Variants in TRPM2 observed in about 807,000 individuals in gnomAD.
TRPM2 encodes the protein estrogen-responsive element-associated gene 1 protein.
Under a neutral mutation model 174.0 loss-of-function variants are expected in TRPM2, and 161 were observed. That is an observed-to-expected ratio of 0.93 (90% CI 0.81 to 1.05). TRPM2 has a LOEUF of 1.05. Among genes scored for constraint, TRPM2 ranks in the 50% least tolerant of loss-of-function variants. The pLI is 0.00. For synonymous variants in TRPM2, 954 were observed against 861.3 expected (o/e 1.11, Z -1.88); for missense variants, 2,057 against 2,038.0 (o/e 1.01, Z -0.18).
chr21:44,420,767 A>G (rs1436549482), intron 22 of TRPM2, among the ~76,000 whole-genome samples: 1 of 152,218 alleles, frequency 6.6e-6, no homozygotes, highest in Admixed American at 6.5e-5. Flanking sequence ...GCTGATGACC[A>G]ACATAGTCAG....
chr21:44,352,797 G>A (rs937620151), upstream of TRPM2, among the ~76,000 whole-genome samples: 1 of 152,222 alleles, frequency 6.6e-6, no homozygotes, highest in African/African-American at 2.4e-5. Flanking sequence ...AAGGATATGA[G>A]AGAAAAAGAT....
chr21:44,430,165 C>T (rs528575803), intron 27 of TRPM2, among the ~76,000 whole-genome samples: 3 of 152,216 alleles, frequency 2.0e-5, no homozygotes, highest in Admixed American at 2.0e-4. Flanking sequence ...TAACATTTTA[C>T]TTAAGATTTT....
chr21:44,406,578 ACT>A lies in TRPM2; in HGVS notation c.2791-11_2791-10del. ...GGGGCCAGGAGAGTGTAGCCCACAC[ACT>A]CTCTGTCCTGCAGATGAAGGACGTC... On this transcript the variant is annotated splice_polypyrimidine_tract_variant and intron_variant, in intron 18 of 31. Transcript: ENST00000397928. 1 of 1,602,944 alleles carries A rather than the reference ACT, an allele frequency of 6.2e-7. No individual in the cohort carries two copies.
intron 15 of TRPM2, among the ~76,000 whole-genome samples, chr21:44,401,063 G>A (rs2049601250): frequency 6.6e-6 from 1 of 152,174 alleles, no homozygotes; most frequent in Non-Finnish European, 1.5e-5. Flanking sequence ...TGAGTGTTCA[G>A]GAATCCTGGT....
At chr21:44,431,621 A>T (rs1480983662) in intron 27 of TRPM2, among the ~76,000 whole-genome samples, 1 of 152,134 alleles carries the variant, frequency 6.6e-6, no homozygotes, top group Non-Finnish European at 1.5e-5. Flanking sequence ...AATTACAGGC[A>T]CGCACCACCA....
At position 44,354,770 on chromosome 21, in the gene TRPM2, C is replaced by T; in HGVS notation, c.254+34C>T. 6.3e-7 allele frequency: 1 copy of T among 1,597,076 alleles called. No homozygotes were observed. Among genetic ancestry groups the T allele is most frequent in the Non-Finnish European group, 8.6e-7 (1 of 1,164,486 alleles). On this transcript the variant is annotated intron_variant, in intron 2 of 31. Transcript: ENST00000397928. The surrounding 1 kb of genome is among the most constrained non-coding windows in gnomAD (Gnocchi z 4.3). The stretch of plus-strand genomic sequence containing the variant: ...CGTGATTTGTGTGTAAGACCTCTGA[C>T]TTCTTCCTTCCGATCCCACATGGAG...
rs537311168 is a variant in TRPM2, at chr21:44,399,162, A to G, written c.2063-134A>G. ...TCCCTGGGCCTGGGTGTTTTGAGACACCAGCCCCACATTTGCCCTGTGCCC... is the reference window on the plus strand; with the variant it reads ...TCCCTGGGCCTGGGTGTTTTGAGACGCCAGCCCCACATTTGCCCTGTGCCC... On this transcript the variant is annotated intron_variant, in intron 13 of 31. Coordinates refer to ENST00000397928, the MANE Select transcript of TRPM2 (RefSeq NM_003307.4). The surrounding 1 kb of genome is among the most constrained non-coding windows in gnomAD (Gnocchi z 4.6). 1.6e-6 allele frequency: 2 copies of G among 1,213,444 alleles called. No homozygotes were observed. Among genetic ancestry groups the G allele is most frequent in the South Asian group, 3.4e-5 (2 of 58,992 alleles). The allele number at this position is 1,213,444 out of a possible 1,614,324, so 75.2% of individuals were successfully genotyped here.
At chr21:44,430,903 AATAAT>A (rs1020640408) in intron 27 of TRPM2, among the ~76,000 whole-genome samples, 9 of 54,006 alleles carry the variant, frequency 1.7e-4, no homozygotes, top group African/African-American at 6.0e-4. Context: ...TGATTTAAAA[AATAAT>A]ATAAATATAT....
At chr21:44,387,576 G>A (rs2049049226) in intron 9 of TRPM2, among the ~76,000 whole-genome samples, 1 of 152,144 alleles carries the variant, frequency 6.6e-6, no homozygotes. Flanking sequence ...ATAATTTTGT[G>A]CATCAAAAGA....
chr21:44,354,711 G>T lies in TRPM2; in HGVS notation c.229G>T (p.Glu77Ter). The change falls in exon 2 of 32, where the codon GAA becomes TAA. Residue 77 changes from glutamate (E) to a stop codon, truncating the protein, a stop_gained. Transcript: ENST00000397928. LOFTEE classifies it high-confidence loss of function. This position sits in a 1 kb window ranked among gnomAD's most constrained non-coding sequence, Gnocchi z 4.3. The part of the protein sequence containing the change: ...IKKKECVYFV[E>*]SSKLSDAGKV... ...GAAGAAAGAATGCGTGTATTTTGTG[G>T]AAAGTTCCAAACTGTCTGATGCTGG... 1 of 1,614,190 alleles carries T rather than the reference G, an allele frequency of 6.2e-7. No individual in the cohort carries two copies. The highest frequency in any genetic ancestry group is 8.5e-7 in the Non-Finnish European group (1 of 1,180,030).
chr21:44,370,811 G>A (rs967920176), intron 5 of TRPM2, among the ~76,000 whole-genome samples: 1 of 152,226 alleles, frequency 6.6e-6, no homozygotes, highest in African/African-American at 2.4e-5. Context: ...GAAGCCAGGA[G>A]CGGCTGGGTG....
intron 2 of TRPM2, among the ~76,000 whole-genome samples, chr21:44,357,207 C>A (rs1265189248): frequency 6.6e-6 from 1 of 152,346 alleles, no homozygotes; most frequent in East Asian, 1.9e-4. Context: ...GACACCCTGA[C>A]CTGCTGTGTC....
At chr21:44,407,027 G>C (rs2049913961) in intron 19 of TRPM2, among the ~76,000 whole-genome samples, 1 of 149,690 alleles carries the variant, frequency 6.7e-6, no homozygotes, top group East Asian at 2.0e-4. Flanking sequence ...AGGGCACCTG[G>C]GGCATCAGCT....
At chr21:44,393,525 A>T (rs2049246442) in intron 11 of TRPM2, among the ~76,000 whole-genome samples, 1 of 152,144 alleles carries the variant, frequency 6.6e-6, no homozygotes, top group Non-Finnish European at 1.5e-5. Context: ...AGGCTCTGAT[A>T]TCAATTTTAT....
Position 44,406,092 on chromosome 21 carries a change from G to A in TRPM2, c.2790+55G>A, listed in dbSNP as rs1614122. 1,183,813 of 1,589,334 alleles carry A rather than the reference G, an allele frequency of 0.74. 442,728 individuals are homozygous for A. The highest frequency in any genetic ancestry group is 0.76 in the Non-Finnish European group (895,760 of 1,174,638). ...CGGCCTGCAGCCCAGGGTGGGCCTC[G>A]GGGAGGGCAGGCCCCTTGCCAGTGG... On this transcript the variant is annotated intron_variant, in intron 18 of 31. Transcript: ENST00000397928.
intron 9 of TRPM2, among the ~76,000 whole-genome samples, chr21:44,388,517 G>A (rs879727103): frequency 7.2e-5 from 11 of 152,020 alleles, no homozygotes; most frequent in Non-Finnish European, 1.5e-4. Flanking sequence ...ATATACTTAA[G>A]ACCAGTGAAC....
chr21:44,378,270 T>A (rs915573790), intron 7 of TRPM2, among the ~76,000 whole-genome samples: 2 of 152,218 alleles, frequency 1.3e-5, no homozygotes, highest in African/African-American at 4.8e-5. Context: ...AACTGCTTTG[T>A]GGCGTGCAGG....
chr21:44,362,157 C>T (rs58699511), intron 2 of TRPM2, among the ~76,000 whole-genome samples: 1 of 152,122 alleles, frequency 6.6e-6, no homozygotes, highest in African/African-American at 2.4e-5. Context: ...CCTTTTACAT[C>T]TCTGTCCCCT....
In TRPM2 at chr21:44,391,259, T is replaced by A. The variant is rs368560452; in HGVS notation, c.1441-13T>A. 9.1e-5 allele frequency: 146 copies of A among 1,608,032 alleles called. No individual in the cohort carries two copies. In the African/African-American group the frequency reaches 1.8e-3, roughly 20 times the overall value. ...ACCAAATGCAACCGTCACTGCACAA[T>A]GCTTGCTCTCAGCCTTCAGATCTGC... On this transcript the variant is annotated splice_polypyrimidine_tract_variant and intron_variant, in intron 10 of 31. Transcript: ENST00000397928. The surrounding 1 kb of genome is among the most constrained non-coding windows in gnomAD (Gnocchi z 5.0).
Sources: gnomAD v4.1 joint callset for allele counts (sites outside exome capture counted in the v4.1 genomes callset) on GRCh38, gnomAD v4.1.1 for gene constraint, Gnocchi (gnomAD v3.1) non-coding constraint, MANE v1.5 for transcripts, NCBI Gene and HGNC (gene_info 2026-07-23, HGNC 2026-07-21) for gene names.